Variants in KCNQ4 observed in about 807,000 individuals in gnomAD.
KCNQ4 encodes the protein potassium voltage-gated channel subfamily KQT member 4.
KCNQ4 carries 31 observed loss-of-function variants against 72.6 expected under a neutral mutation model. The observed-to-expected ratio is 0.43, with a 90% CI of 0.32 to 0.58. The LOEUF (loss-of-function observed/expected upper bound fraction) is 0.58, where lower values mean the gene tolerates loss of function less well. KCNQ4 is among the 20% of genes least tolerant of loss of function. The pLI is 0.08. For missense variants in KCNQ4, 869 were observed against 962.6 expected (o/e 0.90, Z 1.29); for synonymous variants, 405 against 403.7 (o/e 1.00, Z -0.04).
At position 40,784,479 on chromosome 1, in the gene KCNQ4, C is replaced by T; in HGVS notation, c.314+72C>T. The T allele has an allele frequency of 2.1e-6, 3 of 1,462,980 alleles. No individual in the cohort carries two copies. The highest frequency in any genetic ancestry group is 2.8e-6 in the Non-Finnish European group (3 of 1,058,524). The allele number at this position is 1,462,980 out of a possible 1,614,324, so 90.6% of individuals were successfully genotyped here. A position where few individuals can be genotyped will look rare whatever the true frequency, so the allele number is the denominator to read the frequency against. Reference sequence around the variant, plus strand: ...GGCCTCCCGGGGCACGGCCGCCCCGCCCTGGCTCCGCCTTCTACCCCCCTG... The same window carrying T: ...GGCCTCCCGGGGCACGGCCGCCCCGTCCTGGCTCCGCCTTCTACCCCCCTG... On this transcript the variant is annotated intron_variant, in intron 1 of 13. Transcript: ENST00000347132. This position sits in a 1 kb window ranked among gnomAD's most constrained non-coding sequence, Gnocchi z 4.1.
At chr1:40,796,040 G>C (rs1983928) in intron 1 of KCNQ4, among the ~76,000 whole-genome samples, 10,506 of 152,252 alleles carry the variant, frequency 0.069, 455 homozygotes, top group African/African-American at 0.12. Flanking sequence ...CAGCCAGGAA[G>C]TGGTGAATGC....
rs560233746 is a variant in KCNQ4 at position 40,800,974 on chromosome 1, G to T, written c.315-16291G>T. On this transcript the variant is annotated intron_variant, in intron 1 of 13. Coordinates refer to ENST00000347132, the MANE Select transcript of KCNQ4 (RefSeq NM_004700.4). ...GAAATGTACAGGGAGTGGAGAAGTCGAGTGTCGCTGGTGCTTAGGATGTGT... is the reference window on the plus strand; with the variant it reads ...GAAATGTACAGGGAGTGGAGAAGTCTAGTGTCGCTGGTGCTTAGGATGTGT... Among the ~76,000 whole-genome samples, 78 of 152,352 alleles carry T rather than the reference G, an allele frequency of 5.1e-4. 2 individuals carry two copies. Among genetic ancestry groups the T allele is most frequent in the Middle Eastern group, 3.4e-3 (1 of 294 alleles).
chr1:40,831,008 G>T, intron 9 of KCNQ4, 76 bp from the exon 10 acceptor site: 2 of 1,303,506 alleles, frequency 1.5e-6, no homozygotes, highest in South Asian at 2.5e-5. Context: ...CAAGTCCTAA[G>T]TCAGCTTTGT....
At chr1:40,809,871 C>T (rs1221889130) in intron 1 of KCNQ4, among the ~76,000 whole-genome samples, 1 of 152,104 alleles carries the variant, frequency 6.6e-6, no homozygotes, top group African/African-American at 2.4e-5. Context: ...TCAAGACCAG[C>T]CTGGCCAACA....
At chr1:40,831,599 G>T (rs1367029217) in intron 10 of KCNQ4, among the ~76,000 whole-genome samples, 1 of 152,212 alleles carries the variant, frequency 6.6e-6, no homozygotes, top group Non-Finnish European at 1.5e-5. Flanking sequence ...ACTTATCTTA[G>T]GCGAGTGACC....
At chr1:40,831,438 C>T in intron 10 of KCNQ4, 134 bp downstream of exon 10, 1 of 707,960 alleles carries the variant, frequency 1.4e-6, no homozygotes. Flanking sequence ...GGGCTCTGGT[C>T]TTCTCATCTG....
intron 1 of KCNQ4, among the ~76,000 whole-genome samples, chr1:40,809,336 C>A (rs533945882): frequency 6.6e-6 from 1 of 152,270 alleles, no homozygotes; most frequent in East Asian, 1.9e-4. Context: ...ACCCTGATGT[C>A]CCCCAGATCT....
chr1:40,789,122 A>T (rs755286505), intron 1 of KCNQ4, among the ~76,000 whole-genome samples: 11 of 152,052 alleles, frequency 7.2e-5, no homozygotes, highest in Non-Finnish European at 1.6e-4. Context: ...TTGTGTAGCC[A>T]CCTTGGAGGG....
intron 1 of KCNQ4, among the ~76,000 whole-genome samples, chr1:40,801,204 G>A (rs1004008205): frequency 1.3e-5 from 2 of 151,848 alleles, no homozygotes; most frequent in African/African-American, 4.8e-5. Flanking sequence ...TGAGTCCTGG[G>A]CTGACCAGGA....
chr1:40,796,915 CAAATAAATAAAT>C (rs3070277), intron 1 of KCNQ4, among the ~76,000 whole-genome samples: 18 of 147,372 alleles, frequency 1.2e-4, no homozygotes, highest in African/African-American at 2.8e-4. Context: ...GAGACTCCAT[CAAATAAATAAAT>C]AAATAAATAA....
At position 40,796,833 on chromosome 1, in the gene KCNQ4, G is replaced by C. The variant is rs141388766; in HGVS notation, c.314+12426G>C. On this transcript the variant is annotated intron_variant, in intron 1 of 13. Coordinates refer to ENST00000347132, the MANE Select transcript of KCNQ4 (RefSeq NM_004700.4). ...CTTGGGAGGTTGAGGCATCAGAATC[G>C]CTTAAACCCGGGAGGTAGAGGTTGC... Among the ~76,000 whole-genome samples the C allele has an allele frequency of 1.5e-3, 231 of 152,170 alleles. 6 individuals are homozygous for C. In the East Asian group the frequency reaches 0.04, roughly 26 times the overall value.
intron 1 of KCNQ4, among the ~76,000 whole-genome samples, chr1:40,799,299 T>A (rs558434329): frequency 6.6e-6 from 1 of 151,944 alleles, no homozygotes; most frequent in South Asian, 2.1e-4. Context: ...GTCAGGGAGG[T>A]TTAGGGCACA....
chr1:40,825,807 T>C (rs987335885), intron 9 of KCNQ4, among the ~76,000 whole-genome samples: 14 of 152,126 alleles, frequency 9.2e-5, no homozygotes, highest in Non-Finnish European at 7.4e-5. Flanking sequence ...TCATTTTGAC[T>C]GAATAGGAAG....
intron 1 of KCNQ4, among the ~76,000 whole-genome samples, chr1:40,799,909 C>T (rs1420367048): frequency 1.3e-5 from 2 of 152,144 alleles, no homozygotes; most frequent in African/African-American, 4.8e-5. Flanking sequence ...TACAGAAGCA[C>T]AATATATAAA....
chr1:40,824,197 C>T lies in KCNQ4; in HGVS notation c.1231C>T (p.Arg411Cys), dbSNP rs199809248. The T allele has an allele frequency of 2.7e-4, 431 of 1,594,982 alleles. 2 individuals are homozygous for T. In the African/African-American group the frequency reaches 4.8e-3, roughly 18 times the overall value. ...GCCGGTACCCGACGGAGCACCCTCC[C>T]GTTACCCGCCCGTTGCCACCTGCCA... ...RAPVPDGAPS[R>C]YPPVATCHRP... The change falls in exon 9 of 14, where the codon CGT becomes TGT. Residue 411 changes from arginine (R) to cysteine (C), a missense_variant. Physicochemically the swap from Arg to Cys is radical, Grantham distance 180. This residue lies in a region of KCNQ4 where 480 missense variants were observed against 501.9 expected (regional missense o/e 0.96). Transcript: ENST00000347132.
chr1:40,831,216 C>G lies in KCNQ4; in HGVS notation c.1425C>G (p.Ser475Arg), dbSNP rs1029196029. The G allele has an allele frequency of 6.2e-7, 1 of 1,609,620 alleles. No individual in the cohort carries two copies. Among genetic ancestry groups the G allele is most frequent in the Non-Finnish European group, 8.5e-7 (1 of 1,178,116 alleles). Reference sequence around the variant, plus strand: ...GCGAGCAGGTGGGTGAGGCCACCAGCCCCACCAAGGTGCAAAAGAGCTGGA... The same window carrying G: ...GCGAGCAGGTGGGTGAGGCCACCAGGCCCACCAAGGTGCAAAAGAGCTGGA... The part of the protein sequence containing the change: ...PSSEQVGEAT[S>R]PTKVQKSWSF... Residue 475 changes from serine (S) to arginine (R), a missense_variant, in exon 10 of 14, where the codon AGC (serine) becomes AGG (arginine). By Grantham distance (110) the Ser-to-Arg change is moderately radical. Coordinates refer to ENST00000347132, the MANE Select transcript of KCNQ4 (RefSeq NM_004700.4).
chr1:40,811,726 C>T (rs1570820100), intron 1 of KCNQ4, among the ~76,000 whole-genome samples: 1 of 152,182 alleles, frequency 6.6e-6, no homozygotes, highest in Admixed American at 6.5e-5. Context: ...CAGGCAACAC[C>T]CGCCTGTCTC....
intron 12 of KCNQ4, among the ~76,000 whole-genome samples, chr1:40,835,800 T>G (rs1470053132): frequency 6.6e-6 from 1 of 152,102 alleles, no homozygotes; most frequent in Non-Finnish European, 1.5e-5. Flanking sequence ...GTTTGCAATT[T>G]TAAATAGGTG....
At chr1:40,832,616 AAGG>A (rs1648683027) in intron 10 of KCNQ4, among the ~76,000 whole-genome samples, 1 of 152,224 alleles carries the variant, frequency 6.6e-6, no homozygotes, top group African/African-American at 2.4e-5. Flanking sequence ...ATCTTAGCTG[AAGG>A]AGAAGACTGT....
Sources: gnomAD v4.1 joint callset for allele counts (sites outside exome capture counted in the v4.1 genomes callset) on GRCh38, gnomAD v4.1.1 for gene constraint, gnomAD v4.1.1 regional missense constraint, Gnocchi (gnomAD v3.1) non-coding constraint, MANE v1.5 for transcripts, NCBI Gene and HGNC (gene_info 2026-07-23, HGNC 2026-07-21) for gene names.